The following LENG9 variants were observed in gnomAD, a reference collection of about 807,000 sequenced individuals.
The protein encoded by LENG9 is leukocyte receptor cluster (LRC) member 9.
For missense variants in LENG9, 872 were observed against 652.7 expected, an observed-to-expected ratio of 1.34 and a Z score of -3.66; for synonymous variants, 410 against 303.9, an observed-to-expected ratio of 1.35 and a Z score of -3.63.
At position 54,463,095 on chromosome 19, in the gene LENG9, G is replaced by T. The variant is rs1388435932; in HGVS notation, c.432C>A (p.Leu144=). Residue 144 remains leucine (L), a synonymous_variant, in exon 1 of 1, where the codon CTC becomes CTA. Coordinates refer to ENST00000611161, the MANE Select transcript of LENG9 (RefSeq NM_001301782.2). ...CCGCCGCCGAGCCAGAGCCAAAGAC[G>T]AGGTCGGTGCGCGAGGCGCGGTCCC... ...LVWDRASRTD[L]VFGSGSAAGR... The T allele has an allele frequency of 6.2e-7, 1 of 1,602,656 alleles. No individual in the cohort carries two copies. Among genetic ancestry groups the T allele is most frequent in the South Asian group, 1.1e-5 (1 of 90,924 alleles).
At position 54,462,033 on chromosome 19, in the gene LENG9, TTG is replaced by T; in HGVS notation, c.*55_*56del. 6.6e-7 allele frequency: 1 copy of T among 1,522,602 alleles called. No individual in the cohort carries two copies. Among genetic ancestry groups the T allele is most frequent in the South Asian group, 1.3e-5 (1 of 78,436 alleles). 94.3% of individuals were successfully genotyped at this position (1,522,602 alleles called of 1,614,324 possible). A position where few individuals can be genotyped will look rare whatever the true frequency, so the allele number is the denominator to read the frequency against. ...AAGAGAGAGCGTGCACGCTCCTGCTTTGTCTTTCCTGTGTGGGCTGTTTGCAT... is the reference window on the plus strand; with the variant it reads ...AAGAGAGAGCGTGCACGCTCCTGCTTTCTTTCCTGTGTGGGCTGTTTGCAT... On this transcript the variant is annotated 3_prime_UTR_variant, in exon 1 of 1. Coordinates refer to ENST00000611161, the MANE Select transcript of LENG9 (RefSeq NM_001301782.2).
chr19:54,461,953 C>T lies in LENG9; in HGVS notation c.*137G>A, dbSNP rs1274474170. On this transcript the variant is annotated 3_prime_UTR_variant, in exon 1 of 1. Transcript: ENST00000611161. ...TCCTTTTCCTTCCTTCCTTCCTTTC[C>T]TTGGAGCACTGAGCACCATTTGGAA... 1 of 1,037,494 alleles carries T rather than the reference C, an allele frequency of 9.6e-7. No individual in the cohort carries two copies. Among genetic ancestry groups the T allele is most frequent in the Non-Finnish European group, 1.5e-6 (1 of 662,878 alleles). 64.3% of individuals were successfully genotyped at this position (1,037,494 alleles called of 1,614,324 possible).
chr19:54,462,768 C>T lies in LENG9; in HGVS notation c.759G>A (p.Gly253=), dbSNP rs139830374. The part of the protein sequence containing the change: ...PTAATRTTLL[G]GKEAQALGVP... The stretch of plus-strand genomic sequence containing the variant: ...CTCCCAGGGCCTGTGCTTCCTTGCC[C>T]CCCAGCAATGTGGTCCTGGTGGCTG... Residue 253 remains glycine, a synonymous_variant, in exon 1 of 1, where the codon GGG becomes GGA. Coordinates refer to ENST00000611161, the MANE Select transcript of LENG9 (RefSeq NM_001301782.2). 1.9e-6 allele frequency: 3 copies of T among 1,611,174 alleles called. No individual in the cohort carries two copies. The highest frequency in any genetic ancestry group is 1.3e-5 in the African/African-American group (1 of 74,712).
Position 54,461,991 on chromosome 19 carries a change from C to T in LENG9, c.*99G>A, listed in dbSNP as rs1398243189. Reference sequence around the variant, plus strand: ...GCACCATTTGGAAGCTTGAGAGAAACCAAAATTAAAGAGAGAAAGAGAGAG... The same window carrying T: ...GCACCATTTGGAAGCTTGAGAGAAATCAAAATTAAAGAGAGAAAGAGAGAG... On this transcript the variant is annotated 3_prime_UTR_variant, in exon 1 of 1. Transcript: ENST00000611161. The T allele has an allele frequency of 7.1e-7, 1 of 1,399,604 alleles. No individual in the cohort carries two copies. Among genetic ancestry groups the T allele is most frequent in the Non-Finnish European group, 9.9e-7 (1 of 1,014,004 alleles). The allele number at this position is 1,399,604 out of a possible 1,614,324, so 86.7% of individuals were successfully genotyped here.
chr19:54,463,627 C>A lies in LENG9; in HGVS notation c.-101G>T. 1 of 1,256,414 alleles carries A rather than the reference C, an allele frequency of 8.0e-7. No homozygotes were observed. The highest frequency in any genetic ancestry group is 4.3e-5 in the Admixed American group (1 of 23,432). The allele number at this position is 1,256,414 out of a possible 1,614,324, so 77.8% of individuals were successfully genotyped here. On this transcript the variant is annotated 5_prime_UTR_variant, in exon 1 of 1. Transcript: ENST00000611161. The stretch of plus-strand genomic sequence containing the variant: ...GAGCCTCACCCGACAGTGGCGTCAG[C>A]GGCCCGCGCTCCGGCCTAGCTCTGG...
Position 54,462,903 on chromosome 19 carries a change from G to T in LENG9, c.624C>A (p.Pro208=). The T allele has an allele frequency of 6.2e-7, 1 of 1,612,598 alleles. No homozygotes were observed. Among genetic ancestry groups the T allele is most frequent in the Non-Finnish European group, 8.5e-7 (1 of 1,179,964 alleles). ...TCTCCTGGGCCGCCTCCAGCTCTCC[G>T]GGTTCCTCCACGCCTGGTTCCTGGT... The part of the protein sequence containing the change: ...TGHQEPGVEE[P]GELEAAQERA... Residue 208 remains proline, a synonymous_variant, in exon 1 of 1, where the codon CCC becomes CCA. Transcript: ENST00000611161.
chr19:54,463,334 G>T lies in LENG9; in HGVS notation c.193C>A (p.Arg65Ser). The change falls in exon 1 of 1, where the codon CGC (arginine) becomes AGC (serine). Residue 65 changes from arginine (R) to serine (S), a missense_variant. Transcript: ENST00000611161. Reference sequence around the variant, plus strand: ...CGCTGGATGACGTCCGCGGCTGTGCGCAGCGGCGGCTTCTTGGCCCCGGCC... The same window carrying T: ...CGCTGGATGACGTCCGCGGCTGTGCTCAGCGGCGGCTTCTTGGCCCCGGCC... ...PEAGAKKPPL[R>S]TAADVIQRIR... The T allele has an allele frequency of 6.8e-7, 1 of 1,465,794 alleles. No individual in the cohort carries two copies. Among genetic ancestry groups the T allele is most frequent in the Non-Finnish European group, 9.0e-7 (1 of 1,111,814 alleles). The allele number at this position is 1,465,794 out of a possible 1,614,324, so 90.8% of individuals were successfully genotyped here.
At position 54,461,796 on chromosome 19, in the gene LENG9, T is replaced by C. The variant is rs1259217172; in HGVS notation, c.*294A>G. 1.6e-6 allele frequency: 1 copy of C among 630,686 alleles called. No individual in the cohort carries two copies. The highest frequency in any genetic ancestry group is 3.5e-5 in the East Asian group (1 of 28,884). The allele number at this position is 630,686 out of a possible 1,614,324, so 39.1% of individuals were successfully genotyped here. On this transcript the variant is annotated 3_prime_UTR_variant, in exon 1 of 1. Coordinates refer to ENST00000611161, the MANE Select transcript of LENG9 (RefSeq NM_001301782.2). ...ATTTTTCTTCCTCCTCTCCCTTTTC[T>C]TTTTGGCCCTCCCTCCCTCCCTCTT...
In LENG9 at chr19:54,463,064, C is replaced by T; in HGVS notation, c.463G>A (p.Gly155Arg). ...VFGSGSAAGR[G>R]PTILDAPNTE... Reference sequence around the variant, plus strand: ...TTCGGTGCGTCCAGGATGGTGGGCCCGCGTCCCGCCGCCGAGCCAGAGCCA... The same window carrying T: ...TTCGGTGCGTCCAGGATGGTGGGCCTGCGTCCCGCCGCCGAGCCAGAGCCA... Residue 155 changes from glycine to arginine, a missense_variant, in exon 1 of 1, where the codon GGG (glycine) becomes AGG (arginine). Physicochemically the swap from Gly to Arg is moderately radical, Grantham distance 125. Coordinates refer to ENST00000611161, the MANE Select transcript of LENG9 (RefSeq NM_001301782.2). 6.2e-7 allele frequency: 1 copy of T among 1,601,346 alleles called. No individual in the cohort carries two copies. The highest frequency in any genetic ancestry group is 8.5e-7 in the Non-Finnish European group (1 of 1,179,020).
In LENG9 at chr19:54,462,279, CTG is replaced by C. The variant is rs778740821; in HGVS notation, c.1246_1247del (p.Gln416ValfsTer58). On this transcript the variant is annotated frameshift_variant, in exon 1 of 1. Transcript: ENST00000611161. LOFTEE classifies it low-confidence loss of function (END_TRUNC). The part of the protein sequence containing the change: ...RLEAEGLSTL[Q>X]SPGQLHPHLT... ...GGTGGGGGTGCAGCTGCCCTGGAGA[CTG>C]TAGTGTACTCAGCCCCTCGGCTTCC... 13 of 1,604,694 alleles carry C rather than the reference CTG, an allele frequency of 8.1e-6. No homozygotes were observed. The highest frequency in any genetic ancestry group is 4.0e-5 in the African/African-American group (3 of 74,782).
At position 54,461,811 on chromosome 19, in the gene LENG9, C is replaced by T. The variant is rs551582288; in HGVS notation, c.*279G>A. On this transcript the variant is annotated 3_prime_UTR_variant, in exon 1 of 1. Coordinates refer to ENST00000611161, the MANE Select transcript of LENG9 (RefSeq NM_001301782.2). ...CTCCCTTTTCTTTTTGGCCCTCCCT[C>T]CCTCCCTCTTCTGCCATGTAACTGG... 7.7e-6 allele frequency: 4 copies of T among 519,222 alleles called. No homozygotes were observed. The highest frequency in any genetic ancestry group is 6.9e-5 in the Admixed American group (3 of 43,784). The allele number at this position is 519,222 out of a possible 1,614,324, so 32.2% of individuals were successfully genotyped here. A position where few individuals can be genotyped will look rare whatever the true frequency, so the allele number is the denominator to read the frequency against.
rs2084575678 is a variant in LENG9 at position 54,461,759 on chromosome 19, T to C, written c.*331A>G. 1 of 548,788 alleles carries C rather than the reference T, an allele frequency of 1.8e-6. No individual in the cohort carries two copies. The highest frequency in any genetic ancestry group is 3.6e-6 in the Non-Finnish European group (1 of 278,224). 34.0% of individuals were successfully genotyped at this position (548,788 alleles called of 1,614,324 possible). On this transcript the variant is annotated 3_prime_UTR_variant, in exon 1 of 1. Transcript: ENST00000611161. ...GCCTTCTCTTTTCTTTGTGTGTGTGTTTATTTAAGTTATTTTTCTTCCTCC... is the reference window on the plus strand; with the variant it reads ...GCCTTCTCTTTTCTTTGTGTGTGTGCTTATTTAAGTTATTTTTCTTCCTCC...
chr19:54,462,736 C>A lies in LENG9; in HGVS notation c.791G>T (p.Gly264Val), dbSNP rs756644913. 2 of 1,610,946 alleles carry A rather than the reference C, an allele frequency of 1.2e-6. No homozygotes were observed. Among genetic ancestry groups the A allele is most frequent in the African/African-American group, 2.7e-5 (2 of 75,046 alleles). Residue 264 changes from glycine (G) to valine (V), a missense_variant, in exon 1 of 1, where the codon GGG (glycine) becomes GTG (valine). Physicochemically the swap from Gly to Val is moderately radical, Grantham distance 109 (BLOSUM62 -3). Coordinates refer to ENST00000611161, the MANE Select transcript of LENG9 (RefSeq NM_001301782.2). Reference sequence around the variant, plus strand: ...GGCTTCTGTCGTCTCAGCGGAGCCCCCCGGGACTCCCAGGGCCTGTGCTTC... The same window carrying A: ...GGCTTCTGTCGTCTCAGCGGAGCCCACCGGGACTCCCAGGGCCTGTGCTTC... ...GKEAQALGVP[G>V]GSAETTEAEW...
chr19:54,462,482 C>T lies in LENG9; in HGVS notation c.1045G>A (p.Gly349Ser), dbSNP rs544500757. 4 of 1,613,516 alleles carry T rather than the reference C, an allele frequency of 2.5e-6. No homozygotes were observed. The South Asian group carries it at 3.3e-5, about 13-fold the overall frequency. Residue 349 changes from glycine (G) to serine (S), a missense_variant, in exon 1 of 1, where the codon GGC becomes AGC. Physicochemically the swap from Gly to Ser is moderately conservative, Grantham distance 56 (BLOSUM62 0). Transcript: ENST00000611161. ...HLTLALLRLAGAGEEAAAIGA... is the reference protein window; with the variant it reads ...HLTLALLRLASAGEEAAAIGA... Reference sequence around the variant, plus strand: ...ATGGCAGCGGCCTCCTCCCCAGCGCCTGCCAGTCGCAGCAGGGCCAGGGTC... The same window carrying T: ...ATGGCAGCGGCCTCCTCCCCAGCGCTTGCCAGTCGCAGCAGGGCCAGGGTC...
chr19:54,461,762 AT>A lies in LENG9; in HGVS notation c.*327del, dbSNP rs1420657464. 55 of 552,444 alleles carry A rather than the reference AT, an allele frequency of 1.0e-4. No homozygotes were observed. Among genetic ancestry groups the A allele is most frequent in the African/African-American group, 8.3e-4 (43 of 51,944 alleles). The allele number at this position is 552,444 out of a possible 1,614,324, so 34.2% of individuals were successfully genotyped here. ...TTCTCTTTTCTTTGTGTGTGTGTTT[AT>A]TTAAGTTATTTTTCTTCCTCCTCTC... On this transcript the variant is annotated 3_prime_UTR_variant, in exon 1 of 1. Coordinates refer to ENST00000611161, the MANE Select transcript of LENG9 (RefSeq NM_001301782.2).
Position 54,463,110 on chromosome 19 carries a change from G to A in LENG9, c.417C>T (p.Ala139=), listed in dbSNP as rs375081898. The A allele has an allele frequency of 7.5e-6, 12 of 1,600,564 alleles. No individual in the cohort carries two copies. In the African/African-American group the frequency reaches 1.2e-4, roughly 16 times the overall value. ...RFRGRLVWDR[A]SRTDLVFGSG... ...AGCCAAAGACGAGGTCGGTGCGCGA[G>A]GCGCGGTCCCACACAAGGCGGCCAC... The change falls in exon 1 of 1, where the codon GCC becomes GCT. Residue 139 remains alanine, a synonymous_variant. Transcript: ENST00000611161.
In LENG9 at chr19:54,463,495, T is replaced by C; in HGVS notation, c.32A>G (p.Gln11Arg). The change falls in exon 1 of 1, where the codon CAG becomes CGG. Residue 11 changes from glutamine to arginine, a missense_variant. By Grantham distance (43) the Gln-to-Arg change is conservative. Transcript: ENST00000611161. MAAAREPELPQEAPATEPAPP... is the reference protein window; with the variant it reads MAAAREPELPREAPATEPAPP... Reference sequence around the variant, plus strand: ...CGCGGGTTCCGTGGCGGGGGCTTCCTGCGGCAACTCCGGCTCTCTGGCCGC... The same window carrying C: ...CGCGGGTTCCGTGGCGGGGGCTTCCCGCGGCAACTCCGGCTCTCTGGCCGC... 1.5e-6 allele frequency: 2 copies of C among 1,315,872 alleles called. No individual in the cohort carries two copies. Among genetic ancestry groups the C allele is most frequent in the Non-Finnish European group, 1.9e-6 (2 of 1,030,186 alleles). The allele number at this position is 1,315,872 out of a possible 1,614,324, so 81.5% of individuals were successfully genotyped here.
chr19:54,463,130 G>T lies in LENG9; in HGVS notation c.397C>A (p.Arg133Ser). 2 of 1,598,722 alleles carry T rather than the reference G, an allele frequency of 1.3e-6. No homozygotes were observed. ...HRVRFFRFRG[R>S]LVWDRASRTD... ...CGCGAGGCGCGGTCCCACACAAGGC[G>T]GCCACGGAAGCGGAAGAAGCGCACG... The change falls in exon 1 of 1, where the codon CGC becomes AGC. Residue 133 changes from arginine to serine, a missense_variant. Transcript: ENST00000611161.
In LENG9 at chr19:54,462,387, C is replaced by T. The variant is rs748054628; in HGVS notation, c.1140G>A (p.Leu380=). The T allele has an allele frequency of 5.6e-6, 9 of 1,612,652 alleles. No individual in the cohort carries two copies. In the South Asian group the frequency reaches 8.8e-5, roughly 16 times the overall value. Residue 380 remains leucine (L), a synonymous_variant, in exon 1 of 1, where the codon CTG becomes CTA. Transcript: ENST00000611161. The part of the protein sequence containing the change: ...NAPPRLSFRK[L]VLLGPHVLCA... ...ACAGCACATGCGGGCCCAGGAGGAC[C>T]AGCTTTCTAAAGCTCAGCCGAGGGG...
Sources: allele counts gnomAD v4.1 joint callset, GRCh38; gene constraint gnomAD v4.1.1; transcripts MANE v1.5; gene names NCBI Gene and HGNC (gene_info 2026-07-23, HGNC 2026-07-21).